The following CACNA2D1 variants were observed in gnomAD, a reference collection of about 807,000 sequenced individuals.
CACNA2D1 encodes voltage-dependent calcium channel subunit alpha-2/delta-1.
In CACNA2D1, 53 loss-of-function variants were observed where a neutral mutation model predicts 171.5. That is an observed-to-expected ratio of 0.31 (90% CI 0.25 to 0.39). The LOEUF (loss-of-function observed/expected upper bound fraction) is 0.39. Among genes scored for constraint, CACNA2D1 ranks in the 10% least tolerant of loss-of-function variants. CACNA2D1 has a pLI of 1.00. For synonymous variants in CACNA2D1, 442 were observed against 443.1 expected (o/e 1.00, Z 0.03); for missense variants, 903 against 1,299.8 (o/e 0.69, Z 4.69).
intron 3 of CACNA2D1, among the ~76,000 whole-genome samples, chr7:82,185,692 A>G (rs200021937): frequency 2.0e-4 from 30 of 152,198 alleles, no homozygotes; most frequent in East Asian, 1.7e-3. Flanking sequence ...AAGGGCAAGG[A>G]CAGTGCTTAC....
intron 24 of CACNA2D1, among the ~76,000 whole-genome samples, chr7:81,975,665 G>A (rs1313807501): frequency 1.3e-5 from 2 of 151,938 alleles, no homozygotes; most frequent in African/African-American, 4.8e-5. Flanking sequence ...AATCTTTTAA[G>A]CATCCGTGAT....
At chr7:82,311,761 C>T (rs1814496906) in intron 3 of CACNA2D1, among the ~76,000 whole-genome samples, 1 of 152,102 alleles carries the variant, frequency 6.6e-6, no homozygotes, top group Non-Finnish European at 1.5e-5. Context: ...TTTACCCAGG[C>T]TTTGACTAGA....
chr7:81,987,761 G>A (rs1257287755), intron 21 of CACNA2D1, among the ~76,000 whole-genome samples: 1 of 152,142 alleles, frequency 6.6e-6, no homozygotes, highest in Non-Finnish European at 1.5e-5. Context: ...GAATGTGTGA[G>A]GAAACGCAAA....
intron 1 of CACNA2D1, among the ~76,000 whole-genome samples, chr7:82,376,067 C>T (rs886384233): frequency 3.3e-5 from 5 of 152,042 alleles, no homozygotes; most frequent in Non-Finnish European, 7.4e-5. Context: ...CTTCTTTTCT[C>T]AAAAACATAC....
intron 12 of CACNA2D1, among the ~76,000 whole-genome samples, chr7:82,022,771 C>A (rs1801390000): frequency 6.6e-6 from 1 of 151,830 alleles, no homozygotes; most frequent in Non-Finnish European, 1.5e-5. Flanking sequence ...AAAGTGAATT[C>A]TTTAAAATAA....
rs566854684 is a variant in CACNA2D1 at position 82,277,815 on chromosome 7, G to A, written c.294+57320C>T. On this transcript the variant is annotated intron_variant, in intron 3 of 38. Transcript: ENST00000356860. ...GGCTGGAGTGCAGTGGTGTGATCTC[G>A]GCTCACAGCAACCTCCACCTCCTGG... 1.0e-3 allele frequency among the ~76,000 whole-genome samples: 142 copies of A among 140,860 alleles called. No individual in the cohort carries two copies. The Middle Eastern group carries it at 0.033, about 33-fold the overall frequency. 92.4% of individuals were successfully genotyped at this position (140,860 alleles called of 152,430 possible). A position where few individuals can be genotyped will look rare whatever the true frequency, so the allele number is the denominator to read the frequency against.
chr7:82,134,653 CATAA>C (rs1791399021), intron 5 of CACNA2D1, among the ~76,000 whole-genome samples: 1 of 152,014 alleles, frequency 6.6e-6, no homozygotes, highest in Non-Finnish European at 1.5e-5. Context: ...TTATCCTAAG[CATAA>C]ATATATAACC....
At chr7:82,199,026 G>A (rs1299738727) in intron 3 of CACNA2D1, among the ~76,000 whole-genome samples, 1 of 152,118 alleles carries the variant, frequency 6.6e-6, no homozygotes, top group Non-Finnish European at 1.5e-5. Context: ...TAGCCAAGAT[G>A]CTGACACCTT....
intron 3 of CACNA2D1, among the ~76,000 whole-genome samples, chr7:82,258,817 C>CTTTTTCTTTTT (rs1554485163): frequency 2.8e-5 from 2 of 72,618 alleles, no homozygotes; most frequent in Non-Finnish European, 5.2e-5. Flanking sequence ...TCTTACTTTT[C>CTTTTTCTTTTT]TTTTTTTTTT....
intron 1 of CACNA2D1, among the ~76,000 whole-genome samples, chr7:82,365,834 T>C (rs1445961110): frequency 6.6e-6 from 1 of 152,232 alleles, no homozygotes; most frequent in African/African-American, 2.4e-5. Flanking sequence ...AGCCTGAACT[T>C]ATATTGCACA....
In CACNA2D1 at chr7:82,100,562, G is replaced by A. The variant is rs867324559; in HGVS notation, c.527-15662C>T. Among the ~76,000 whole-genome samples, 9 of 151,960 alleles carry A rather than the reference G, an allele frequency of 5.9e-5. No individual in the cohort carries two copies. In the East Asian group the frequency reaches 1.4e-3, roughly 23 times the overall value. On this transcript the variant is annotated intron_variant, in intron 6 of 38. Coordinates refer to ENST00000356860, the MANE Select transcript of CACNA2D1 (RefSeq NM_000722.4). ...ATAAGTTGAAATAAATGCTATCAAC[G>A]TCAAAATACAGACTATCAAAGTGTA... is the stretch of plus-strand genomic sequence containing the variant.
chr7:82,184,992 T>A (rs1035215922), intron 3 of CACNA2D1, among the ~76,000 whole-genome samples: 6 of 152,180 alleles, frequency 3.9e-5, no homozygotes, highest in African/African-American at 1.2e-4. Flanking sequence ...AGTCACCAGC[T>A]AAATGGTGGA....
At chr7:81,953,109 C>T (rs1408361603) in intron 38 of CACNA2D1, among the ~76,000 whole-genome samples, 1 of 151,964 alleles carries the variant, frequency 6.6e-6, no homozygotes, top group Admixed American at 6.6e-5. Context: ...CATCCTCTAA[C>T]TCTACCTTCA....
At chr7:82,032,444 A>G (rs942242837) in intron 12 of CACNA2D1, among the ~76,000 whole-genome samples, 1 of 151,642 alleles carries the variant, frequency 6.6e-6, no homozygotes, top group South Asian at 2.1e-4. Context: ...AAATAATATA[A>G]TAAATTTTAT....
At chr7:82,186,674 A>G (rs1297421103) in intron 3 of CACNA2D1, among the ~76,000 whole-genome samples, 1 of 152,200 alleles carries the variant, frequency 6.6e-6, no homozygotes, top group Non-Finnish European at 1.5e-5. Flanking sequence ...TCACCTAGCT[A>G]GGTAACATAG....
At chr7:82,391,324 T>G (rs1437372492) in intron 1 of CACNA2D1, among the ~76,000 whole-genome samples, 1 of 152,154 alleles carries the variant, frequency 6.6e-6, no homozygotes, top group African/African-American at 2.4e-5. Flanking sequence ...TCAAAGGAAA[T>G]TCCTCATAAT....
At chr7:81,955,980 ATTTTTTTTT>A (rs1164601123) in intron 38 of CACNA2D1, among the ~76,000 whole-genome samples, 41 of 34,554 alleles carry the variant, frequency 1.2e-3, no homozygotes, top group East Asian at 1.4e-3. Context: ...ATATATATAT[ATTTTTTTTT>A]TTTTTTTTTT....
intron 12 of CACNA2D1, among the ~76,000 whole-genome samples, chr7:82,015,369 T>C (rs1202576019): frequency 6.6e-6 from 1 of 152,180 alleles, no homozygotes; most frequent in Non-Finnish European, 1.5e-5. Context: ...ATAGATATTC[T>C]AAGCTCCTAG....
chr7:82,319,056 A>T (rs577673362), intron 3 of CACNA2D1, among the ~76,000 whole-genome samples: 1 of 152,352 alleles, frequency 6.6e-6, no homozygotes, highest in East Asian at 1.9e-4. Context: ...TACATGGGCA[A>T]AATATCTCTA....
Sources: allele counts gnomAD v4.1 joint callset (sites outside exome capture counted in the v4.1 genomes callset), GRCh38; gene constraint gnomAD v4.1.1; transcripts MANE v1.5; gene names NCBI Gene and HGNC (gene_info 2026-07-23, HGNC 2026-07-21).